The following RAPGEF2 variants were observed in gnomAD, a reference collection of about 807,000 sequenced individuals.
The protein encoded by RAPGEF2 is Rap guanine nucleotide exchange factor 2.
Under a neutral mutation model 186.7 loss-of-function variants are expected in RAPGEF2, and 54 were observed. The ratio of observed to expected loss-of-function variants is 0.29; its 90% confidence interval spans 0.23 to 0.36. RAPGEF2 has a LOEUF of 0.36. Ranked by LOEUF, RAPGEF2 falls within the 10% of genes least tolerant of loss-of-function variation. The pLI is 1.00. For missense variants in RAPGEF2, 1,532 were observed against 2,045.0 expected, an observed-to-expected ratio of 0.75 and a Z score of 4.84; for synonymous variants, 712 against 705.9, an observed-to-expected ratio of 1.01 and a Z score of -0.14.
At chr4:159,336,652 C>T (rs1040615990) in intron 17 of RAPGEF2, among the ~76,000 whole-genome samples, 2 of 151,754 alleles carry the variant, frequency 1.3e-5, no homozygotes, top group Non-Finnish European at 2.9e-5. Flanking sequence ...GTGTCTTTTT[C>T]GTATAATGTG....
intron 1 of RAPGEF2, among the ~76,000 whole-genome samples, chr4:159,109,723 T>G (rs1361985611): frequency 6.6e-6 from 1 of 152,160 alleles, no homozygotes; most frequent in Non-Finnish European, 1.5e-5. Context: ...GAATATGTAT[T>G]GAGTTGTAGG....
intron 1 of RAPGEF2, among the ~76,000 whole-genome samples, chr4:159,140,161 C>T (rs781458132): frequency 2.0e-5 from 3 of 152,144 alleles, no homozygotes; most frequent in Non-Finnish European, 4.4e-5. Context: ...TCATGTTTAG[C>T]TTGATGTTCT....
At chr4:159,192,026 C>A (rs555575310) in intron 2 of RAPGEF2, among the ~76,000 whole-genome samples, 1 of 152,034 alleles carries the variant, frequency 6.6e-6, no homozygotes, top group Non-Finnish European at 1.5e-5. Context: ...GTAAAGAGGC[C>A]GAGGCAAGAA....
chr4:159,301,685 T>C (rs556197742), intron 7 of RAPGEF2, among the ~76,000 whole-genome samples: 54 of 152,154 alleles, frequency 3.5e-4, no homozygotes, highest in Non-Finnish European at 3.8e-4. Context: ...AGAGACCCTT[T>C]TATTATCTAC....
intron 7 of RAPGEF2, among the ~76,000 whole-genome samples, chr4:159,294,535 G>A (rs1009229856): frequency 6.6e-6 from 1 of 152,150 alleles, no homozygotes; most frequent in African/African-American, 2.4e-5. Flanking sequence ...CAGTCTAAAT[G>A]GTATGATTGC....
chr4:159,357,642 C>T (rs770109979), intron 29 of RAPGEF2, among the ~76,000 whole-genome samples: 9 of 152,150 alleles, frequency 5.9e-5, no homozygotes, highest in Non-Finnish European at 1.2e-4. Context: ...GAGAACACTG[C>T]ACTGTGGATG....
At chr4:159,347,742 C>G (rs1350234267) in intron 25 of RAPGEF2, among the ~76,000 whole-genome samples, 1 of 152,228 alleles carries the variant, frequency 6.6e-6, no homozygotes, top group African/African-American at 2.4e-5. Context: ...CTAGATCGCA[C>G]CGCTGCACTC....
chr4:159,278,388 T>C (rs1759218023), intron 7 of RAPGEF2, among the ~76,000 whole-genome samples: 2 of 152,196 alleles, frequency 1.3e-5, no homozygotes, highest in South Asian at 4.1e-4. Flanking sequence ...TCTACTCTTA[T>C]AATTTATATG....
Position 159,260,653 on chromosome 4 carries a change from CTTTACAGAATGAG to C in RAPGEF2, c.543+16864_543+16876del, listed in dbSNP as rs1348065525. On this transcript the variant is annotated intron_variant, in intron 7 of 29. Transcript: ENST00000691494. The stretch of plus-strand genomic sequence containing the variant: ...TTAGCACAGGTATTTGACACTCATC[CTTTACAGAATGAG>C]TGTCAAATTTGTATCCCAGTGCCTG... 3.3e-5 allele frequency among the ~76,000 whole-genome samples: 5 copies of C among 152,276 alleles called. No individual in the cohort carries two copies. In the East Asian group the frequency reaches 9.7e-4, roughly 29 times the overall value.
intron 17 of RAPGEF2, among the ~76,000 whole-genome samples, chr4:159,335,120 G>GT (rs1162606914): frequency 2.0e-5 from 3 of 152,050 alleles, no homozygotes; most frequent in Non-Finnish European, 4.4e-5. Context: ...ATACTGTTGA[G>GT]TTTTTTCCTC....
chr4:159,195,944 T>C (rs767260209), intron 3 of RAPGEF2, among the ~76,000 whole-genome samples: 76 of 144,238 alleles, frequency 5.3e-4, no homozygotes, highest in Non-Finnish European at 9.6e-4. Flanking sequence ...GCATGTGAGC[T>C]ATGCTGATAA....
chr4:159,246,738 A>T (rs561836183), intron 7 of RAPGEF2, among the ~76,000 whole-genome samples: 2 of 152,136 alleles, frequency 1.3e-5, no homozygotes, highest in East Asian at 3.9e-4. Context: ...CAATATTTTT[A>T]CTCATATCAT....
intron 4 of RAPGEF2, among the ~76,000 whole-genome samples, chr4:159,238,168 TG>T (rs1283501231): frequency 6.6e-6 from 1 of 152,202 alleles, no homozygotes; most frequent in African/African-American, 2.4e-5. Context: ...ATTCTTAACG[TG>T]GGAATTCACC....
intron 1 of RAPGEF2, among the ~76,000 whole-genome samples, chr4:159,113,740 CA>C (rs11311075): frequency 0.53 from 45,636 of 86,838 alleles, 9,416 homozygotes; most frequent in Middle Eastern, 0.63. Context: ...GACTCTGTCT[CA>C]AAAAAAAAAA....
chr4:159,244,703 T>C (rs1754410605), intron 7 of RAPGEF2, among the ~76,000 whole-genome samples: 1 of 151,966 alleles, frequency 6.6e-6, no homozygotes, highest in African/African-American at 2.4e-5. Context: ...TTGATATATC[T>C]TTGGCTATTA....
chr4:159,111,693 G>C (rs1251754439), intron 1 of RAPGEF2, among the ~76,000 whole-genome samples: 1 of 152,176 alleles, frequency 6.6e-6, no homozygotes, highest in Non-Finnish European at 1.5e-5. Flanking sequence ...ATTCATTCTA[G>C]AGTTAAGACT....
chr4:159,273,424 T>C (rs918724034), intron 7 of RAPGEF2, among the ~76,000 whole-genome samples: 2 of 152,374 alleles, frequency 1.3e-5, no homozygotes, highest in African/African-American at 4.8e-5. Context: ...TCTTTGCTTT[T>C]AGTCAAAATA....
At chr4:159,345,441 A>G (rs1730140844) in intron 24 of RAPGEF2, 112 bp downstream of exon 24, 15 of 871,168 alleles carry the variant, frequency 1.7e-5, no homozygotes, top group Non-Finnish European at 2.7e-5. Context: ...GGAGCTAGCA[A>G]TCCTGAGATA....
chr4:159,334,317 C>T (rs1371202167), intron 17 of RAPGEF2, among the ~76,000 whole-genome samples: 1 of 152,166 alleles, frequency 6.6e-6, no homozygotes, highest in Non-Finnish European at 1.5e-5. Flanking sequence ...TTGCTGTGAT[C>T]TGCTCACTGC....
Sources: gnomAD v4.1 joint callset for allele counts (sites outside exome capture counted in the v4.1 genomes callset) on GRCh38, gnomAD v4.1.1 for gene constraint, MANE v1.5 for transcripts, NCBI Gene and HGNC (gene_info 2026-07-23, HGNC 2026-07-21) for gene names.